Variants in EPHB1 observed in about 807,000 individuals in gnomAD.
EPHB1 encodes ephrin type-B receptor 1.
EPHB1 carries 30 observed loss-of-function variants against 94.4 expected under a neutral mutation model. The ratio of observed to expected loss-of-function variants is 0.32; its 90% CI spans 0.24 to 0.43. The LOEUF is 0.43. Ranked by LOEUF, EPHB1 falls within the 20% of genes least tolerant of loss-of-function variation. The probability of loss-of-function intolerance (pLI) is 1.00; values close to 1 mark genes in which losing one functional copy is unlikely to be tolerated. For synonymous variants in EPHB1, 522 were observed against 489.1 expected, an observed-to-expected ratio of 1.07 and a Z score of -0.89; for missense variants, 1,055 against 1,308.3, an observed-to-expected ratio of 0.81 and a Z score of 2.99.
At chr3:135,053,643 T>C (rs184090216) in intron 3 of EPHB1, among the ~76,000 whole-genome samples, 2 of 152,280 alleles carry the variant, frequency 1.3e-5, no homozygotes, top group African/African-American at 4.8e-5. Flanking sequence ...AGCAGTCATG[T>C]TGATGAAAAT....
At chr3:135,166,791 A>G in intron 8 of EPHB1, 151 bp from the exon 9 acceptor site, 2 of 716,194 alleles carry the variant, frequency 2.8e-6, no homozygotes, top group South Asian at 3.8e-5. Flanking sequence ...CTCTAACTGC[A>G]GCAGGAGGGC....
intron 1 of EPHB1, among the ~76,000 whole-genome samples, chr3:134,865,361 C>A (rs1306572021): frequency 6.6e-6 from 1 of 152,130 alleles, no homozygotes; most frequent in African/African-American, 2.4e-5. Flanking sequence ...AATCACTGAT[C>A]TGGGGGCTCT....
chr3:135,241,352 G>A, intron 13 of EPHB1, 55 bp downstream of exon 13: 1 of 1,604,528 alleles, frequency 6.2e-7, no homozygotes, highest in Non-Finnish European at 8.5e-7. Context: ...GATCCCAAAG[G>A]CAGTAGCATA....
chr3:135,247,009 A>G (rs1943943235), intron 13 of EPHB1, among the ~76,000 whole-genome samples: 1 of 152,228 alleles, frequency 6.6e-6, no homozygotes. Context: ...AATCAGTTGA[A>G]ATGAATCTCA....
At chr3:135,008,659 A>T (rs1268751117) in intron 3 of EPHB1, among the ~76,000 whole-genome samples, 1 of 152,196 alleles carries the variant, frequency 6.6e-6, no homozygotes, top group Non-Finnish European at 1.5e-5. Flanking sequence ...TGCTATGAGG[A>T]GCAGTTAAAT....
intron 1 of EPHB1, among the ~76,000 whole-genome samples, chr3:134,858,926 T>C (rs2037185054): frequency 6.6e-6 from 1 of 152,002 alleles, no homozygotes; most frequent in South Asian, 2.1e-4. Flanking sequence ...TTCCCTGGGG[T>C]GGGGCTTCAG....
At chr3:135,153,514 TG>T (rs1258155792) in intron 5 of EPHB1, among the ~76,000 whole-genome samples, 1 of 152,252 alleles carries the variant, frequency 6.6e-6, no homozygotes, top group Non-Finnish European at 1.5e-5. Flanking sequence ...CATTTATACT[TG>T]TGAACTCCTT....
At chr3:134,864,501 GT>G (rs2037332070) in intron 1 of EPHB1, among the ~76,000 whole-genome samples, 1 of 152,006 alleles carries the variant, frequency 6.6e-6, no homozygotes, top group African/African-American at 2.4e-5. Flanking sequence ...CTCTCATTCT[GT>G]TTTGCCCTGT....
At chr3:134,835,527 C>A (rs1368560352) in intron 1 of EPHB1, among the ~76,000 whole-genome samples, 1 of 152,138 alleles carries the variant, frequency 6.6e-6, no homozygotes, top group East Asian at 1.9e-4. Context: ...CCTGCTCCCC[C>A]AGTTATAGGT....
intron 2 of EPHB1, among the ~76,000 whole-genome samples, chr3:134,939,425 C>T (rs565231377): frequency 1.1e-4 from 17 of 152,156 alleles, no homozygotes; most frequent in Admixed American, 6.5e-4. Flanking sequence ...ACATCTGGGA[C>T]GTAAATCAAG....
chr3:135,217,351 G>A (rs113660745), intron 12 of EPHB1, among the ~76,000 whole-genome samples: 1,643 of 150,940 alleles, frequency 0.011, 24 homozygotes, highest in African/African-American at 0.036. Context: ...GTTAGGGTTA[G>A]GGGAACTCTG....
chr3:134,925,018 A>G (rs1406163006), intron 1 of EPHB1, among the ~76,000 whole-genome samples: 1 of 152,244 alleles, frequency 6.6e-6, no homozygotes, highest in Non-Finnish European at 1.5e-5. Context: ...ACTGGTGTAC[A>G]TATATATCAA....
chr3:135,235,228 A>T (rs1006593935), intron 12 of EPHB1, among the ~76,000 whole-genome samples: 3 of 152,220 alleles, frequency 2.0e-5, no homozygotes, highest in Admixed American at 1.3e-4. Context: ...AAGCCTCAGA[A>T]TCCTTCTTAA....
At chr3:134,901,410 A>G (rs1005677869) in intron 1 of EPHB1, among the ~76,000 whole-genome samples, 2 of 152,328 alleles carry the variant, frequency 1.3e-5, no homozygotes, top group East Asian at 3.9e-4. Context: ...TACATGTCCT[A>G]TAGCATTTCC....
chr3:135,144,216 A>T (rs975624028), intron 5 of EPHB1, among the ~76,000 whole-genome samples: 12 of 152,164 alleles, frequency 7.9e-5, no homozygotes, highest in African/African-American at 2.9e-4. Context: ...GGACTTGGGG[A>T]AGTCATTTTC....
At chr3:134,948,133 T>G (rs2039249110) in intron 2 of EPHB1, among the ~76,000 whole-genome samples, 3 of 152,052 alleles carry the variant, frequency 2.0e-5, no homozygotes, top group Admixed American at 2.0e-4. Context: ...GGTGACTGTC[T>G]CAGTGCTAAG....
intron 3 of EPHB1, among the ~76,000 whole-genome samples, chr3:135,057,123 G>A (rs6439551): frequency 1 from 151,998 of 152,302 alleles, 75,847 homozygotes; most frequent in Non-Finnish European, 1. Context: ...CTGGTGAGGA[G>A]GGGGCTGGGG....
intron 3 of EPHB1, among the ~76,000 whole-genome samples, chr3:134,962,786 G>GC (rs1440639514): frequency 6.6e-6 from 1 of 151,180 alleles, no homozygotes; most frequent in African/African-American, 2.4e-5. Context: ...CCAGCCCTCT[G>GC]CCCTCCCCTC....
intron 3 of EPHB1, among the ~76,000 whole-genome samples, chr3:134,974,747 T>C (rs1312493994): frequency 6.6e-6 from 1 of 152,202 alleles, no homozygotes; most frequent in Non-Finnish European, 1.5e-5. Context: ...CTTTCCTCTT[T>C]GCCCTTTTGT....
Sources: allele counts gnomAD v4.1 joint callset (sites outside exome capture counted in the v4.1 genomes callset), GRCh38; gene constraint gnomAD v4.1.1; transcripts MANE v1.5; gene names NCBI Gene and HGNC (gene_info 2026-07-23, HGNC 2026-07-21).